The following AEBP2 variants were observed in gnomAD, a reference collection of about 807,000 sequenced individuals.
AEBP2 encodes zinc finger protein AEBP2.
Under a neutral mutation model 50.8 loss-of-function variants are expected in AEBP2, and 10 were observed. The ratio of observed to expected loss-of-function variants is 0.20; its 90% CI spans 0.12 to 0.33. The LOEUF (loss-of-function observed/expected upper bound fraction) is 0.33. Among genes scored for constraint, AEBP2 ranks in the 10% least tolerant of loss-of-function variants. AEBP2 has a pLI of 1.00. For synonymous variants in AEBP2, 296 were observed against 261.3 expected (o/e 1.13, Z -1.28); for missense variants, 570 against 688.0 (o/e 0.83, Z 1.92).
chr12:19,467,475 G>A (rs991988888), intron 2 of AEBP2, among the ~76,000 whole-genome samples: 16 of 152,028 alleles, frequency 1.1e-4, no homozygotes, highest in African/African-American at 3.6e-4. Flanking sequence ...TGTATTTTTA[G>A]TAGAGATGGG....
upstream of AEBP2, among the ~76,000 whole-genome samples, chr12:19,436,552 C>A (rs1947863315): frequency 6.6e-6 from 1 of 151,136 alleles, no homozygotes; most frequent in South Asian, 2.1e-4. Context: ...TTTCTGGTAA[C>A]ACTTTGTGTT....
intron 2 of AEBP2, among the ~76,000 whole-genome samples, chr12:19,471,894 C>G (rs1390547631): frequency 6.6e-6 from 1 of 151,992 alleles, no homozygotes; most frequent in Non-Finnish European, 1.5e-5. Context: ...TTACTTTTAA[C>G]TCTGAGAACC....
rs1302518211 is a variant in AEBP2, at chr12:19,439,724, G to T, written c.25G>T (p.Ala9Ser). 4.6e-6 allele frequency: 7 copies of T among 1,518,186 alleles called. No homozygotes were observed. Among genetic ancestry groups the T allele is most frequent in the Non-Finnish European group, 6.1e-6 (7 of 1,139,456 alleles). 94.0% of individuals were successfully genotyped at this position (1,518,186 alleles called of 1,614,324 possible). ...CATGGCCGCCGCTATCACCGACATG[G>T]CCGACCTGGAGGAGCTCTCCCGCCT... MAAAITDM[A>S]DLEELSRLSP... Residue 9 changes from alanine (A) to serine (S), a missense_variant, in exon 1 of 8, where the codon GCC becomes TCC. Transcript: ENST00000266508.
intron 1 of AEBP2, among the ~76,000 whole-genome samples, chr12:19,409,832 T>C (rs2095738342): frequency 6.6e-6 from 1 of 152,230 alleles, no homozygotes; most frequent in South Asian, 2.1e-4. Flanking sequence ...GTACAGCATC[T>C]AATTTAGGCT....
At chr12:19,410,723 A>C (rs1309672890) in intron 1 of AEBP2, among the ~76,000 whole-genome samples, 1 of 152,200 alleles carries the variant, frequency 6.6e-6, no homozygotes, top group Non-Finnish European at 1.5e-5. Context: ...AATTATGACT[A>C]TCTAGGACCT....
intron 5 of AEBP2, among the ~76,000 whole-genome samples, chr12:19,501,981 G>A (rs1056237377): frequency 4.0e-5 from 6 of 151,712 alleles, no homozygotes; most frequent in Non-Finnish European, 8.8e-5. Flanking sequence ...ACGTAGTATC[G>A]ACTTAATTAT....
rs1949374967 is a variant in AEBP2 at position 19,519,968 on chromosome 12, TTTC to T, written c.*1854_*1856del. ...ATTTTTAAAAAGAAAAGCAGTGTGT[TTTC>T]TTTTTTTGTTGTTTTCTTTTGCTTA... On this transcript the variant is annotated 3_prime_UTR_variant, in exon 8 of 8. Transcript: ENST00000266508. 6.6e-6 allele frequency: 1 copy of T among 152,532 alleles called. No homozygotes were observed. Among genetic ancestry groups the T allele is most frequent in the Non-Finnish European group, 1.5e-5 (1 of 67,982 alleles). 9.4% of individuals were successfully genotyped at this position (152,532 alleles called of 1,614,324 possible). A position where few individuals can be genotyped will look rare whatever the true frequency, so the allele number is the denominator to read the frequency against.
chr12:19,513,841 A>G (rs779491822), intron 6 of AEBP2, among the ~76,000 whole-genome samples: 4 of 149,610 alleles, frequency 2.7e-5, no homozygotes, highest in Non-Finnish European at 5.9e-5. Flanking sequence ...CATTCATTTG[A>G]ATTTTCTTGT....
At chr12:19,501,146 G>A (rs1466625564) in intron 5 of AEBP2, among the ~76,000 whole-genome samples, 2 of 151,804 alleles carry the variant, frequency 1.3e-5, no homozygotes, top group Non-Finnish European at 2.9e-5. Context: ...CCTGGCCAAC[G>A]TGGCAAAACC....
At position 19,475,019 on chromosome 12, in the gene AEBP2, T is replaced by C. The variant is rs147752551; in HGVS notation, c.987+1664T>C. On this transcript the variant is annotated intron_variant, in intron 3 of 7. Coordinates refer to ENST00000266508, the MANE Select transcript of AEBP2 (RefSeq NM_153207.5). ...TGTTGGCCAGGCTGGTCTTGGACTC[T>C]TGACCTCGTGATCTGCCCACCTTGG... 5.3e-4 allele frequency among the ~76,000 whole-genome samples: 80 copies of C among 152,288 alleles called. No homozygotes were observed. In the East Asian group the frequency reaches 0.014, roughly 28 times the overall value.
chr12:19,432,468 C>A (rs1301201386), intron 1 of AEBP2, among the ~76,000 whole-genome samples: 1 of 152,092 alleles, frequency 6.6e-6, no homozygotes, highest in Non-Finnish European at 1.5e-5. Context: ...CCAAGTTGGG[C>A]GGATCGCTTG....
chr12:19,430,768 G>C (rs568066623), intron 1 of AEBP2, among the ~76,000 whole-genome samples: 1 of 152,062 alleles, frequency 6.6e-6, no homozygotes, highest in Non-Finnish European at 1.5e-5. Context: ...TCATGATTTG[G>C]CTCTCTGTCT....
At chr12:19,477,754 T>C (rs775264485) in intron 3 of AEBP2, among the ~76,000 whole-genome samples, 4 of 152,236 alleles carry the variant, frequency 2.6e-5, no homozygotes, top group Admixed American at 6.5e-5. Context: ...TTTTTTGTTA[T>C]GTCCTTTCCT....
Position 19,493,793 on chromosome 12 carries a change from C to A in AEBP2, c.988-7C>A, listed in dbSNP as rs1448613831. 6.2e-7 allele frequency: 1 copy of A among 1,612,210 alleles called. No homozygotes were observed. Reference sequence around the variant, plus strand: ...CCTGACGTTATTTCTGTTTTATTTTCTTTTAGTGTGTTGTTGGTGGCTGCA... The same window carrying A: ...CCTGACGTTATTTCTGTTTTATTTTATTTTAGTGTGTTGTTGGTGGCTGCA... On this transcript the variant is annotated splice_region_variant and splice_polypyrimidine_tract_variant and intron_variant, in intron 3 of 7. Transcript: ENST00000266508.
chr12:19,423,618 A>G (rs2095746996), intron 1 of AEBP2, among the ~76,000 whole-genome samples: 2 of 152,224 alleles, frequency 1.3e-5, no homozygotes, highest in Admixed American at 6.5e-5. Context: ...AGCGGATGCT[A>G]TTGATCTTTA....
At chr12:19,409,049 G>T (rs1418342240) in intron 1 of AEBP2, among the ~76,000 whole-genome samples, 2 of 151,918 alleles carry the variant, frequency 1.3e-5, no homozygotes, top group Non-Finnish European at 2.9e-5. Flanking sequence ...ATAGAGTTTG[G>T]CATAGAATCG....
At chr12:19,468,368 A>T (rs1948519183) in intron 2 of AEBP2, among the ~76,000 whole-genome samples, 1 of 152,080 alleles carries the variant, frequency 6.6e-6, no homozygotes, top group Non-Finnish European at 1.5e-5. Flanking sequence ...TCATTTACTC[A>T]GTATAATTAG....
At chr12:19,495,941 A>T (rs1270922029) in intron 4 of AEBP2, among the ~76,000 whole-genome samples, 1 of 152,202 alleles carries the variant, frequency 6.6e-6, no homozygotes, top group East Asian at 1.9e-4. Context: ...AAAAACAGAA[A>T]TTTAGCATTG....
chr12:19,423,854 TA>T (rs1240282324), intron 1 of AEBP2, among the ~76,000 whole-genome samples: 2 of 151,874 alleles, frequency 1.3e-5, no homozygotes. Flanking sequence ...AACAAATAAA[TA>T]AATGAATAAA....
Sources: gnomAD v4.1 joint callset for allele counts (sites outside exome capture counted in the v4.1 genomes callset) on GRCh38, gnomAD v4.1.1 for gene constraint, MANE v1.5 for transcripts, NCBI Gene and HGNC (gene_info 2026-07-23, HGNC 2026-07-21) for gene names.